HEMK2: variants seen among roughly 807,000 people sequenced by gnomAD.
The protein encoded by HEMK2 is HemK methyltransferase 2, ETF1 glutamine and histone H4 lysine, also known as methyltransferase HEMK2.
chr21:28,597,837 G>C, the HEMK2 span, among the ~76,000 whole-genome samples: 1 of 152,134 alleles, frequency 6.6e-6, no homozygotes, highest in Non-Finnish European at 1.5e-5. Flanking sequence ...ATCCTATGTA[G>C]AAATAAGTAT....
chr21:28,582,472 T>C, the HEMK2 span, among the ~76,000 whole-genome samples: 2 of 152,122 alleles, frequency 1.3e-5, no homozygotes, highest in Admixed American at 6.5e-5. Flanking sequence ...ATTCTGAAAA[T>C]TGTGTATCAT....
chr21:28,885,341 G>C, the HEMK2 span: 4 of 1,567,930 alleles, frequency 2.6e-6, no homozygotes, highest in Non-Finnish European at 3.5e-6. Context: ...GTTCTCCCCT[G>C]CCATAGTCCT....
chr21:28,812,060 T>C, the HEMK2 span, among the ~76,000 whole-genome samples: 3 of 152,166 alleles, frequency 2.0e-5, no homozygotes, highest in Admixed American at 1.3e-4. Flanking sequence ...GATGTGGAGA[T>C]AAAAACAGTA....
chr21:28,650,350 A>C, the HEMK2 span, among the ~76,000 whole-genome samples: 14 of 152,090 alleles, frequency 9.2e-5, no homozygotes, highest in East Asian at 2.3e-3. Context: ...AGCCAAGATC[A>C]TGCCATTGCA....
chr21:28,874,303 G>A, the HEMK2 span: 2 of 152,264 alleles, frequency 1.3e-5, no homozygotes, highest in East Asian at 3.8e-4. Flanking sequence ...CCTGCGCGAA[G>A]GGAAAGTGAA....
chr21:28,619,573 C>CT, the HEMK2 span, among the ~76,000 whole-genome samples: 2 of 152,158 alleles, frequency 1.3e-5, no homozygotes, highest in Non-Finnish European at 2.9e-5. Flanking sequence ...AGCTCTTAGT[C>CT]TTTTCTAGGC....
At chr21:28,733,684 G>T in the HEMK2 span, among the ~76,000 whole-genome samples, 2 of 150,296 alleles carry the variant, frequency 1.3e-5, no homozygotes, top group East Asian at 1.9e-4. Flanking sequence ...TTTGCCCCAT[G>T]TAACCTTTTG....
At chr21:28,848,300 G>T in the HEMK2 span, among the ~76,000 whole-genome samples, 4 of 151,976 alleles carry the variant, frequency 2.6e-5, no homozygotes, top group African/African-American at 9.7e-5. Context: ...ATTTCTTTCA[G>T]CCATGTTTTG....
chr21:28,884,991 GAC>G, the HEMK2 span, among the ~76,000 whole-genome samples: 1 of 152,182 alleles, frequency 6.6e-6, no homozygotes, highest in East Asian at 1.9e-4. Flanking sequence ...GAGCTCATGA[GAC>G]AGAGCAGCCC....
At chr21:28,579,727 T>C in the HEMK2 span, among the ~76,000 whole-genome samples, 127,442 of 152,188 alleles carry the variant, frequency 0.84, 54,596 homozygotes, top group African/African-American at 0.9. Flanking sequence ...TTTGTTAGTC[T>C]GATTTAACAC....
At chr21:28,810,912 T>C in the HEMK2 span, among the ~76,000 whole-genome samples, 1 of 152,146 alleles carries the variant, frequency 6.6e-6, no homozygotes, top group South Asian at 2.1e-4. Context: ...TTTCCAGAGT[T>C]TGAATAACAA....
chr21:28,681,030 T>C, the HEMK2 span, among the ~76,000 whole-genome samples: 5 of 152,096 alleles, frequency 3.3e-5, no homozygotes, highest in Non-Finnish European at 5.9e-5. Flanking sequence ...CTATTCAACA[T>C]AGTGTTGGAA....
the HEMK2 span, among the ~76,000 whole-genome samples, chr21:28,819,544 CTT>C: frequency 9.8e-5 from 11 of 111,878 alleles, no homozygotes; most frequent in African/African-American, 3.1e-4. Context: ...TTTTCTTTTC[CTT>C]TTTTTTTTTT....
chr21:28,831,771 GAAAC>G, the HEMK2 span, among the ~76,000 whole-genome samples: 2,254 of 144,330 alleles, frequency 0.016, 58 homozygotes, highest in East Asian at 0.058. Flanking sequence ...AAGAAAGAAA[GAAAC>G]AGTATCACCT....
chr21:28,877,012 GA>G, the HEMK2 span, among the ~76,000 whole-genome samples: 7 of 26,910 alleles, frequency 2.6e-4, no homozygotes, highest in South Asian at 2.6e-3. Flanking sequence ...AGGGAGGAAG[GA>G]AGGAAGGAAG....
chr21:28,671,511 AT>A, the HEMK2 span, among the ~76,000 whole-genome samples: 1 of 152,210 alleles, frequency 6.6e-6, no homozygotes, highest in Non-Finnish European at 1.5e-5. Context: ...TTCATTTGAC[AT>A]GAAATCAAAC....
chr21:28,753,387 G>A, the HEMK2 span, among the ~76,000 whole-genome samples: 24,020 of 150,216 alleles, frequency 0.16, 2,190 homozygotes, highest in East Asian at 0.25. Flanking sequence ...AGAAGGTAAC[G>A]CACATGTTTA....
chr21:28,854,203 G>A, the HEMK2 span, among the ~76,000 whole-genome samples: 1 of 152,162 alleles, frequency 6.6e-6, no homozygotes. Flanking sequence ...TAAGTATACA[G>A]TTGCTAAGTT....
chr21:28,713,756 C>T, the HEMK2 span, among the ~76,000 whole-genome samples: 1 of 152,158 alleles, frequency 6.6e-6, no homozygotes, highest in African/African-American at 2.4e-5. Context: ...TGTCTACCTC[C>T]GTCTTTAGAC....
Sources: gnomAD v4.1 joint callset for allele counts (sites outside exome capture counted in the v4.1 genomes callset) on GRCh38, gnomAD v4.1.1 for gene constraint, MANE v1.5 for transcripts, NCBI Gene and HGNC (gene_info 2026-07-23, HGNC 2026-07-21) for gene names.